The following SLC16A5 variants were observed in gnomAD, a reference collection of about 807,000 sequenced individuals.
The protein encoded by SLC16A5 is solute carrier family 16 member 5.
A neutral mutation model predicts 33.2 loss-of-function variants in SLC16A5; 29 were observed. The ratio of observed to expected loss-of-function variants is 0.87; its 90% CI spans 0.65 to 1.19. SLC16A5 has a LOEUF of 1.19. Ranked by LOEUF, SLC16A5 falls within the 50% of genes most tolerant of loss-of-function variation. The pLI is 0.00. For missense variants in SLC16A5, 606 were observed against 678.2 expected (o/e 0.89, Z 1.18); for synonymous variants, 248 against 284.1 (o/e 0.87, Z 1.28).
At chr17:75,104,315 G>GT in intron 6 of SLC16A5, 135 bp downstream of exon 6, 1 of 1,472,210 alleles carries the variant, frequency 6.8e-7, no homozygotes, top group Admixed American at 2.3e-5. Context: ...CTTGGGTGAA[G>GT]AGTAGCCCAG....
At chr17:75,088,698 G>C (rs556484351) in intron 1 of SLC16A5, among the ~76,000 whole-genome samples, 50 of 152,240 alleles carry the variant, frequency 3.3e-4, no homozygotes, top group Non-Finnish European at 6.0e-4. Context: ...TTTCCAGCCC[G>C]GGGCTCTCCC....
downstream of SLC16A5, among the ~76,000 whole-genome samples, chr17:75,106,488 C>T (rs562271824): frequency 4.6e-5 from 7 of 151,456 alleles, no homozygotes; most frequent in South Asian, 2.1e-4. Flanking sequence ...GATGGCAGTG[C>T]GCACATGTAA....
At chr17:75,104,255 A>G in intron 6 of SLC16A5, 75 bp downstream of exon 6, 3 of 1,565,434 alleles carry the variant, frequency 1.9e-6, no homozygotes, top group Non-Finnish European at 2.6e-6. Context: ...CTGAGTGAAC[A>G]CTGTCTCAGC....
chr17:75,105,163 C>A, intron 6 of SLC16A5: 1 of 985,470 alleles, frequency 1.0e-6, no homozygotes, highest in African/African-American at 1.7e-5. Flanking sequence ...CGCGCCCATC[C>A]TGGCGCCTGT....
chr17:75,101,979 C>T (rs908218107), intron 5 of SLC16A5, among the ~76,000 whole-genome samples: 3 of 152,114 alleles, frequency 2.0e-5, no homozygotes, highest in Non-Finnish European at 4.4e-5. Flanking sequence ...TAGAATCTAC[C>T]TCCAAGGAAA....
intron 1 of SLC16A5, among the ~76,000 whole-genome samples, chr17:75,088,515 C>G (rs1368021958): frequency 2.0e-5 from 3 of 152,134 alleles, no homozygotes; most frequent in Non-Finnish European, 2.9e-5. Context: ...GGGGCTGCCT[C>G]CCTCCTCCCT....
At position 75,098,024 on chromosome 17, in the gene SLC16A5, G is replaced by A. The variant is rs1397305517; in HGVS notation, c.200-14G>A. The A allele has an allele frequency of 6.4e-7, 1 of 1,573,140 alleles. No homozygotes were observed. The highest frequency in any genetic ancestry group is 1.2e-5 in the South Asian group (1 of 85,528). On this transcript the variant is annotated splice_polypyrimidine_tract_variant and intron_variant, in intron 3 of 6. Coordinates refer to ENST00000329783, the MANE Select transcript of SLC16A5 (RefSeq NM_004695.4). ...CTCATTCAGCTGCTACCTGCTGGCTGTCTTCTCCCACAGGGCCCCTGTGCA... is the reference window on the plus strand; with the variant it reads ...CTCATTCAGCTGCTACCTGCTGGCTATCTTCTCCCACAGGGCCCCTGTGCA...
downstream of SLC16A5, chr17:75,109,981 A>G (rs1039199388): frequency 9.3e-6 from 3 of 323,882 alleles, no homozygotes; most frequent in Middle Eastern, 9.0e-4. The surrounding 1 kb of genome is among the most constrained non-coding windows in gnomAD (Gnocchi z 5.0). Flanking sequence ...AACCGAGCCC[A>G]GGAGCCGGGG....
At chr17:75,108,724 T>C (rs1182472627), downstream of SLC16A5, among the ~76,000 whole-genome samples, 1 of 146,980 alleles carries the variant, frequency 6.8e-6, no homozygotes, top group Non-Finnish European at 1.6e-5. Context: ...GATTACATAA[T>C]TGTTTTGAAA....
At chr17:75,102,546 G>A (rs1257490431) in intron 5 of SLC16A5, among the ~76,000 whole-genome samples, 4 of 147,998 alleles carry the variant, frequency 2.7e-5, no homozygotes, top group African/African-American at 7.9e-5. Flanking sequence ...AGAGGTGCAC[G>A]TGAGAGGCAG....
intron 2 of SLC16A5, chr17:75,093,217 C>T: frequency 1.7e-6 from 1 of 602,858 alleles, no homozygotes; most frequent in Non-Finnish European, 3.0e-6. Context: ...CAGAGGTCTG[C>T]TGCATTCTAC....
At chr17:75,109,897 C>G (rs1255337226), downstream of SLC16A5, 1 of 207,418 alleles carries the variant, frequency 4.8e-6, no homozygotes, top group Non-Finnish European at 9.8e-6. The surrounding 1 kb of genome is among the most constrained non-coding windows in gnomAD (Gnocchi z 5.0). Context: ...GCGCCGCGCA[C>G]GCGCGCCAAG....
At position 75,100,515 on chromosome 17, in the gene SLC16A5, CA is replaced by C. The variant is rs2095871883; in HGVS notation, c.853del (p.Ile285SerfsTer3). The C allele has an allele frequency of 1.2e-6, 2 of 1,614,112 alleles. No individual in the cohort carries two copies. Among genetic ancestry groups the C allele is most frequent in the Non-Finnish European group, 1.7e-6 (2 of 1,180,046 alleles). Reference protein sequence around the residue: ...LLISIIGFSNIFLRPLAGLMA... With the variant: ...LLISIIGFSNXFLRPLAGLMA... ...TCATCTCCATCATCGGCTTCAGCAA[CA>C]TCTTCCTGAGGCCCCTAGCCGGGCT... On this transcript the variant is annotated frameshift_variant, in exon 5 of 7. Transcript: ENST00000329783. LOFTEE classifies it high-confidence loss of function.
At chr17:75,105,845 A>G in intron 6 of SLC16A5, 35 bp from the exon 7 acceptor site, 1 of 1,537,584 alleles carries the variant, frequency 6.5e-7, no homozygotes, top group Non-Finnish European at 8.8e-7. Context: ...GCTCCGCAAG[A>G]AAACCTTATC....
chr17:75,109,474 G>A (rs2073889432), downstream of SLC16A5, among the ~76,000 whole-genome samples: 1 of 152,182 alleles, frequency 6.6e-6, no homozygotes, highest in Non-Finnish European at 1.5e-5. The surrounding 1 kb of genome is among the most constrained non-coding windows in gnomAD (Gnocchi z 5.0). Context: ...CGCCAGCCGT[G>A]GGGACCCTGG....
downstream of SLC16A5, among the ~76,000 whole-genome samples, chr17:75,109,340 G>A (rs1598159984): frequency 6.6e-6 from 1 of 152,340 alleles, no homozygotes; most frequent in East Asian, 1.9e-4. The surrounding 1 kb of genome is among the most constrained non-coding windows in gnomAD (Gnocchi z 5.0). Context: ...TCGGGGCTGG[G>A]ATGGAGGGCG....
intron 5 of SLC16A5, among the ~76,000 whole-genome samples, chr17:75,102,455 A>G (rs937509424): frequency 1.3e-5 from 2 of 152,222 alleles, no homozygotes; most frequent in African/African-American, 4.8e-5. Context: ...CTTCTAGGGC[A>G]GGAGTCAGGA....
intron 4 of SLC16A5, among the ~76,000 whole-genome samples, 176 bp downstream of exon 4, chr17:75,098,357 G>T (rs1050028948): frequency 6.6e-6 from 1 of 152,200 alleles, no homozygotes; most frequent in Admixed American, 6.5e-5. Flanking sequence ...GAGGTCAGGG[G>T]TTCGAGACTA....
chr17:75,099,482 TCTCAGCTCACTGCAACCTCCACAAC>T (rs998332210), intron 4 of SLC16A5, among the ~76,000 whole-genome samples: 71 of 152,270 alleles, frequency 4.7e-4, no homozygotes, highest in African/African-American at 1.6e-3. Flanking sequence ...AGTGGCACAA[TCTCAGCTCACTGCAACCTCCACAAC>T]CTCAGCTCAC....
Sources: gnomAD v4.1 joint callset for allele counts (sites outside exome capture counted in the v4.1 genomes callset) on GRCh38, gnomAD v4.1.1 for gene constraint, Gnocchi (gnomAD v3.1) non-coding constraint, MANE v1.5 for transcripts, NCBI Gene and HGNC (gene_info 2026-07-23, HGNC 2026-07-21) for gene names.